The following GPD1L variants were observed in gnomAD, a reference collection of about 807,000 sequenced individuals.
GPD1L encodes glycerol-3-phosphate dehydrogenase 1 like, also known as glycerol-3-phosphate dehydrogenase 1-like protein.
In GPD1L, 17 loss-of-function variants were observed where a neutral mutation model predicts 32.9. The ratio of observed to expected loss-of-function variants is 0.52; its 90% CI spans 0.35 to 0.78. GPD1L has a LOEUF of 0.78. Among genes scored for constraint, GPD1L ranks in the 30% least tolerant of loss-of-function variants. GPD1L has a pLI of 0.01. For missense variants in GPD1L, 361 were observed against 447.8 expected (o/e 0.81, Z 1.75); for synonymous variants, 187 against 165.9 (o/e 1.13, Z -0.98).
chr3:32,134,168 G>A (rs1346213076), intron 2 of GPD1L, among the ~76,000 whole-genome samples: 1 of 152,278 alleles, frequency 6.6e-6, no homozygotes, highest in East Asian at 1.9e-4. Context: ...CAGAAAATCG[G>A]GTAGGGGCTT....
rs77769700 is a variant in GPD1L at position 32,152,623 on chromosome 3, G to T, written c.618+5889G>T. Reference sequence around the variant, plus strand: ...GAAAAGCCTCAGTCCATTCATGAAGGCAGAACACGCATGACCAAAACACTT... The same window carrying T: ...GAAAAGCCTCAGTCCATTCATGAAGTCAGAACACGCATGACCAAAACACTT... On this transcript the variant is annotated intron_variant, in intron 5 of 7. Coordinates refer to ENST00000282541, the MANE Select transcript of GPD1L (RefSeq NM_015141.4). 3.6e-3 allele frequency among the ~76,000 whole-genome samples: 543 copies of T among 152,210 alleles called. 2 individuals are homozygous for T. The highest frequency in any genetic ancestry group is 0.012 in the African/African-American group (518 of 41,538).
chr3:32,115,521 C>T (rs1284090314), intron 1 of GPD1L, among the ~76,000 whole-genome samples: 1 of 152,166 alleles, frequency 6.6e-6, no homozygotes, highest in African/African-American at 2.4e-5. Context: ...TGGATTTTCT[C>T]TACCCGGTTT....
intron 5 of GPD1L, among the ~76,000 whole-genome samples, chr3:32,148,436 G>A (rs1700864170): frequency 6.6e-6 from 1 of 152,136 alleles, no homozygotes; most frequent in South Asian, 2.1e-4. Context: ...GGAGGTGGGG[G>A]TTGAAGGCCC....
At chr3:32,153,471 C>T (rs532185130) in intron 5 of GPD1L, among the ~76,000 whole-genome samples, 17 of 152,336 alleles carry the variant, frequency 1.1e-4, no homozygotes, top group African/African-American at 2.9e-4. Flanking sequence ...TATTGGACAA[C>T]GCTCTTCCAG....
At chr3:32,128,941 A>G (rs914906996) in intron 2 of GPD1L, among the ~76,000 whole-genome samples, 13 of 152,250 alleles carry the variant, frequency 8.5e-5, no homozygotes, top group African/African-American at 3.1e-4. Flanking sequence ...AGAAAATGGG[A>G]AAATGTAAGA....
chr3:32,123,818 A>ATAGATAGATAGG (rs1392046262), intron 1 of GPD1L, among the ~76,000 whole-genome samples: 1 of 145,108 alleles, frequency 6.9e-6, no homozygotes, highest in Non-Finnish European at 1.5e-5. Flanking sequence ...AGATAGATAG[A>ATAGATAGATAGG]TAGATAGATA....
At chr3:32,115,990 G>A (rs139411659) in intron 1 of GPD1L, among the ~76,000 whole-genome samples, 1,813 of 151,700 alleles carry the variant, frequency 0.012, 36 homozygotes, top group African/African-American at 0.042. Context: ...GGGTTTCACC[G>A]TGTTAGCCAG....
intron 2 of GPD1L, among the ~76,000 whole-genome samples, chr3:32,128,900 G>A (rs1435453861): frequency 6.6e-6 from 1 of 152,138 alleles, no homozygotes; most frequent in Non-Finnish European, 1.5e-5. Context: ...TTAAAGTCAG[G>A]GTCAAGGCCT....
Position 32,127,266 on chromosome 3 carries a change from T to C in GPD1L, c.48-810T>C, listed in dbSNP as rs186477331. ...TTTGCTCCTCACGCCAGGAAGGTCA[T>C]CTAAGAAACAAACTGTTTCTCAGTT... is the stretch of plus-strand genomic sequence containing the variant. On this transcript the variant is annotated intron_variant, in intron 1 of 7. Coordinates refer to ENST00000282541, the MANE Select transcript of GPD1L (RefSeq NM_015141.4). 2.9e-3 allele frequency among the ~76,000 whole-genome samples: 437 copies of C among 152,310 alleles called. 3 individuals carry two copies. The highest frequency in any genetic ancestry group is 9.7e-3 in the African/African-American group (402 of 41,552).
chr3:32,132,090 A>G (rs1700594317), intron 2 of GPD1L, among the ~76,000 whole-genome samples: 1 of 152,164 alleles, frequency 6.6e-6, no homozygotes. Context: ...CAAATTCTTT[A>G]TATATTCTAG....
intron 2 of GPD1L, among the ~76,000 whole-genome samples, chr3:32,136,457 G>A (rs1700661577): frequency 6.6e-6 from 1 of 152,154 alleles, no homozygotes; most frequent in Admixed American, 6.5e-5. Flanking sequence ...GATAAAATGG[G>A]GAAGTTGTAG....
At chr3:32,143,721 T>TA (rs1308850980) in intron 4 of GPD1L, among the ~76,000 whole-genome samples, 1 of 152,072 alleles carries the variant, frequency 6.6e-6, no homozygotes, top group Non-Finnish European at 1.5e-5. Flanking sequence ...CGCACACCTG[T>TA]AATCCCAGCA....
At chr3:32,127,401 C>T (rs1428458398) in intron 1 of GPD1L, among the ~76,000 whole-genome samples, 1 of 152,216 alleles carries the variant, frequency 6.6e-6, no homozygotes, top group Non-Finnish European at 1.5e-5. Flanking sequence ...ACCTCCTCTG[C>T]TGCGGCAACC....
intron 6 of GPD1L, 124 bp downstream of exon 6, chr3:32,159,233 T>C (rs1293467345): frequency 2.7e-6 from 2 of 747,972 alleles, no homozygotes; most frequent in Non-Finnish European, 4.5e-6. Context: ...TCCGTTTGCC[T>C]GGCTGCTTTT....
intron 1 of GPD1L, among the ~76,000 whole-genome samples, chr3:32,118,242 G>A (rs939614557): frequency 6.6e-6 from 1 of 152,158 alleles, no homozygotes; most frequent in Non-Finnish European, 1.5e-5. Flanking sequence ...GCCTGTTTGG[G>A]AAAATTTGGA....
chr3:32,108,102 T>C lies in GPD1L; in HGVS notation c.47+1344T>C, dbSNP rs1039760391. Among the ~76,000 whole-genome samples, 6 of 152,224 alleles carry C rather than the reference T, an allele frequency of 3.9e-5. No individual in the cohort carries two copies. The South Asian group carries it at 1.2e-3, about 31-fold the overall frequency. Reference sequence around the variant, plus strand: ...TATTTGATTGAATAATACATTCACATTGTTTAACAACCAGGGCTGGGCGCA... The same window carrying C: ...TATTTGATTGAATAATACATTCACACTGTTTAACAACCAGGGCTGGGCGCA... On this transcript the variant is annotated intron_variant, in intron 1 of 7. Transcript: ENST00000282541.
At chr3:32,114,868 C>T (rs1436841272) in intron 1 of GPD1L, among the ~76,000 whole-genome samples, 5 of 151,844 alleles carry the variant, frequency 3.3e-5, no homozygotes, top group South Asian at 2.1e-4. Flanking sequence ...TTAAAGGTGG[C>T]GCGTTCAGAG....
intron 5 of GPD1L, chr3:32,158,647 G>A (rs1186678027): frequency 4.6e-6 from 4 of 875,804 alleles, no homozygotes; most frequent in African/African-American, 3.4e-5. Flanking sequence ...TTCAACTGCT[G>A]ACCCCAAATA....
rs568259636 is a variant in GPD1L at position 32,168,362 on chromosome 3, C to T, written c.*2452C>T. On this transcript the variant is annotated 3_prime_UTR_variant, in exon 8 of 8. Coordinates refer to ENST00000282541, the MANE Select transcript of GPD1L (RefSeq NM_015141.4). ...GGGAGGGAGACACCTAGATTAGCAG[C>T]TCAATTTGTACTACTTCAGCCAATC... is the stretch of plus-strand genomic sequence containing the variant. 3.9e-5 allele frequency: 6 copies of T among 152,646 alleles called. No individual in the cohort carries two copies. The highest frequency in any genetic ancestry group is 1.4e-4 in the African/African-American group (6 of 41,452). 9.5% of individuals were successfully genotyped at this position (152,646 alleles called of 1,614,324 possible). A position where few individuals can be genotyped will look rare whatever the true frequency, so the allele number is the denominator to read the frequency against.
Sources: gnomAD v4.1 joint callset for allele counts (sites outside exome capture counted in the v4.1 genomes callset) on GRCh38, gnomAD v4.1.1 for gene constraint, MANE v1.5 for transcripts, NCBI Gene and HGNC (gene_info 2026-07-23, HGNC 2026-07-21) for gene names.